Variants in SEMA5A observed in about 807,000 individuals in gnomAD.
The protein encoded by SEMA5A is semaphorin-5A.
Under a neutral mutation model 135.5 loss-of-function variants are expected in SEMA5A, and 55 were observed. That is an observed-to-expected ratio of 0.41 (90% CI 0.33 to 0.51). SEMA5A has a LOEUF of 0.51. SEMA5A is among the 20% of genes least tolerant of loss of function. The probability of loss-of-function intolerance (pLI) is 0.37; values close to 1 mark genes in which losing one functional copy is unlikely to be tolerated. For synonymous variants in SEMA5A, 580 were observed against 546.5 expected (o/e 1.06, Z -0.85); for missense variants, 1,290 against 1,419.9 (o/e 0.91, Z 1.47).
At chr5:9,528,613 GCCCATGCCTTC>G (rs545460944) in intron 1 of SEMA5A, among the ~76,000 whole-genome samples, 1 of 152,294 alleles carries the variant, frequency 6.6e-6, no homozygotes, top group African/African-American at 2.4e-5. Flanking sequence ...CAGTATCGAA[GCCCATGCCTTC>G]CCATAAGGAC....
intron 2 of SEMA5A, among the ~76,000 whole-genome samples, chr5:9,387,555 G>C (rs1404750872): frequency 6.6e-6 from 1 of 152,176 alleles, no homozygotes; most frequent in Non-Finnish European, 1.5e-5. Flanking sequence ...GGTTCAAGTA[G>C]AGCGTTCAAT....
chr5:9,431,018 T>C (rs979581), intron 2 of SEMA5A, among the ~76,000 whole-genome samples: 102,315 of 151,888 alleles, frequency 0.67, 35,843 homozygotes, highest in Middle Eastern at 0.83. Context: ...AGGAAATAAC[T>C]GCTTAAGTAC....
At chr5:9,393,818 A>G (rs1756270303) in intron 2 of SEMA5A, among the ~76,000 whole-genome samples, 1 of 152,320 alleles carries the variant, frequency 6.6e-6, no homozygotes. Context: ...CATCTGCCCA[A>G]GAAATCTATA....
At chr5:9,427,062 C>T (rs540528361) in intron 2 of SEMA5A, among the ~76,000 whole-genome samples, 1 of 152,228 alleles carries the variant, frequency 6.6e-6, no homozygotes, top group Admixed American at 6.5e-5. Flanking sequence ...CCTGTAATCC[C>T]AGCACTTTGG....
chr5:9,491,200 C>G (rs1261569799), intron 1 of SEMA5A, among the ~76,000 whole-genome samples: 1 of 152,010 alleles, frequency 6.6e-6, no homozygotes, highest in Non-Finnish European at 1.5e-5. Flanking sequence ...GTTTCCCCCA[C>G]TAGGAGACAG....
intron 11 of SEMA5A, among the ~76,000 whole-genome samples, chr5:9,182,169 A>G (rs1328584998): frequency 8.3e-6 from 1 of 120,798 alleles, no homozygotes; most frequent in Non-Finnish European, 1.7e-5. Flanking sequence ...CCAAAAAAAA[A>G]TACGCTTCCT....
chr5:9,391,282 T>G (rs913496488), intron 2 of SEMA5A, among the ~76,000 whole-genome samples: 1 of 152,188 alleles, frequency 6.6e-6, no homozygotes, highest in African/African-American at 2.4e-5. Context: ...AATGGCTTTG[T>G]CCGTGTCATG....
intron 17 of SEMA5A, among the ~76,000 whole-genome samples, chr5:9,064,791 A>C (rs1190282938): frequency 3.9e-5 from 6 of 152,224 alleles, no homozygotes; most frequent in African/African-American, 1.2e-4. Flanking sequence ...GTTATGTGGG[A>C]TATACTTTTC....
At chr5:9,143,352 A>G (rs1413322360) in intron 12 of SEMA5A, among the ~76,000 whole-genome samples, 1 of 145,000 alleles carries the variant, frequency 6.9e-6, no homozygotes, top group African/African-American at 2.6e-5. Flanking sequence ...CTTGATTTCA[A>G]TTAGTGATTA....
At chr5:9,316,621 T>C (rs1424036555) in intron 5 of SEMA5A, among the ~76,000 whole-genome samples, 1 of 152,202 alleles carries the variant, frequency 6.6e-6, no homozygotes, top group Non-Finnish European at 1.5e-5. Flanking sequence ...AAACAATCTT[T>C]AAAATGGCAT....
At chr5:9,351,480 A>T (rs1340441964) in intron 3 of SEMA5A, among the ~76,000 whole-genome samples, 3 of 150,516 alleles carry the variant, frequency 2.0e-5, no homozygotes, top group Non-Finnish European at 3.0e-5. Flanking sequence ...TTTTTTTTTC[A>T]AAATTAACAT....
At chr5:9,044,627 A>G in intron 21 of SEMA5A, 43 bp from the exon 22 acceptor site, 1 of 1,525,934 alleles carries the variant, frequency 6.6e-7, no homozygotes. Flanking sequence ...TGAAAAGAAC[A>G]TCCTGCCTAG....
intron 2 of SEMA5A, among the ~76,000 whole-genome samples, chr5:9,437,330 A>T (rs777343102): frequency 8.6e-5 from 13 of 150,560 alleles, no homozygotes; most frequent in South Asian, 2.1e-4. Flanking sequence ...ATTAACTCTC[A>T]TTTTTTTTTC....
chr5:9,094,669 T>G (rs1739224531), intron 16 of SEMA5A, among the ~76,000 whole-genome samples: 1 of 152,264 alleles, frequency 6.6e-6, no homozygotes, highest in Non-Finnish European at 1.5e-5. Flanking sequence ...ACAGTCCTTC[T>G]TTCAGTCACT....
intron 16 of SEMA5A, among the ~76,000 whole-genome samples, chr5:9,071,029 G>A (rs1002796008): frequency 3.3e-5 from 5 of 152,148 alleles, no homozygotes; most frequent in Admixed American, 2.0e-4. Context: ...AGAGATAAAT[G>A]ATTTTAAAAA....
intron 8 of SEMA5A, among the ~76,000 whole-genome samples, chr5:9,224,250 C>T (rs1342519312): frequency 6.6e-6 from 1 of 152,116 alleles, no homozygotes; most frequent in East Asian, 1.9e-4. Context: ...TTTGGAGTTA[C>T]CTATAGACAA....
chr5:9,040,822 C>A lies in SEMA5A; in HGVS notation c.*2075G>T, dbSNP rs138529081. 2.6e-5 allele frequency: 4 copies of A among 152,288 alleles called. No individual in the cohort carries two copies. The highest frequency in any genetic ancestry group is 5.9e-5 in the Non-Finnish European group (4 of 68,026). The allele number at this position is 152,288 out of a possible 1,614,324, so 9.4% of individuals were successfully genotyped here. A position where few individuals can be genotyped will look rare whatever the true frequency, so the allele number is the denominator to read the frequency against. Reference sequence around the variant, plus strand: ...CTTTACCAGGGAAAATAAAATGTCCCTTTAAGCTTACAAACTATTAGGGAA... The same window carrying A: ...CTTTACCAGGGAAAATAAAATGTCCATTTAAGCTTACAAACTATTAGGGAA... On this transcript the variant is annotated 3_prime_UTR_variant, in exon 23 of 23. Transcript: ENST00000382496.
At chr5:9,279,294 G>C (rs1481071999) in intron 5 of SEMA5A, among the ~76,000 whole-genome samples, 1 of 152,208 alleles carries the variant, frequency 6.6e-6, no homozygotes, top group Non-Finnish European at 1.5e-5. Flanking sequence ...TAGACCCTTT[G>C]TTTTGGCCAA....
At chr5:9,128,797 GC>G (rs1382428146) in intron 13 of SEMA5A, among the ~76,000 whole-genome samples, 1 of 152,120 alleles carries the variant, frequency 6.6e-6, no homozygotes, top group Non-Finnish European at 1.5e-5. Flanking sequence ...TTTCTCCACT[GC>G]CCCAGAGTTT....
Sources: gnomAD v4.1 joint callset for allele counts (sites outside exome capture counted in the v4.1 genomes callset) on GRCh38, gnomAD v4.1.1 for gene constraint, MANE v1.5 for transcripts, NCBI Gene and HGNC (gene_info 2026-07-23, HGNC 2026-07-21) for gene names.